IGFL2: variants seen among roughly 807,000 people sequenced by gnomAD.
IGFL2 encodes IGF like family member 2.
A neutral mutation model predicts 13.9 loss-of-function variants in IGFL2; 7 were observed. That is an observed-to-expected ratio of 0.51 (90% CI 0.29 to 0.95). The LOEUF (loss-of-function observed/expected upper bound fraction) is 0.95, where lower values mean the gene tolerates loss of function less well. IGFL2 is among the 40% of genes least tolerant of loss of function. The pLI is 0.08. For synonymous variants in IGFL2, 55 were observed against 55.8 expected (o/e 0.99, Z 0.07); for missense variants, 138 against 147.8 (o/e 0.93, Z 0.34).
the IGFL2 span, among the ~76,000 whole-genome samples, chr19:46,078,592 A>AT: frequency 1.1e-4 from 16 of 152,162 alleles, no homozygotes; most frequent in Non-Finnish European, 2.1e-4. Flanking sequence ...TTTTTTGTCC[A>AT]TTATTTTTTG....
chr19:46,211,966 G>A, the IGFL2 span: 4 of 152,126 alleles, frequency 2.6e-5, no homozygotes, highest in Non-Finnish European at 4.4e-5. Context: ...CTACCATTAC[G>A]TGGAATACAC....
At chr19:46,174,241 A>G in the IGFL2 span, among the ~76,000 whole-genome samples, 1 of 152,224 alleles carries the variant, frequency 6.6e-6, no homozygotes, top group Non-Finnish European at 1.5e-5. Context: ...GTGCAAAGTG[A>G]ACATGCAGCG....
the IGFL2 span, among the ~76,000 whole-genome samples, chr19:46,125,246 A>G: frequency 6.6e-6 from 1 of 152,242 alleles, no homozygotes. Context: ...GGGGTGGAGA[A>G]TAGCAATGGC....
the IGFL2 span, among the ~76,000 whole-genome samples, chr19:46,098,800 A>C: frequency 6.6e-6 from 1 of 152,082 alleles, no homozygotes; most frequent in South Asian, 2.1e-4. Flanking sequence ...GTGTCTTTTA[A>C]TTGGAGCATT....
At chr19:46,193,879 G>C in the IGFL2 span, among the ~76,000 whole-genome samples, 1 of 152,182 alleles carries the variant, frequency 6.6e-6, no homozygotes, top group East Asian at 1.9e-4. Flanking sequence ...TATTACCACA[G>C]TGTGTTGGCT....
the IGFL2 span, among the ~76,000 whole-genome samples, chr19:46,117,782 C>T: frequency 6.6e-6 from 1 of 152,100 alleles, no homozygotes; most frequent in African/African-American, 2.4e-5. Context: ...CCCGGACTAC[C>T]ATCTGTTCAT....
At chr19:46,120,312 C>T in the IGFL2 span, 1 of 1,610,844 alleles carries the variant, frequency 6.2e-7, no homozygotes, top group African/African-American at 1.4e-5. Context: ...TGCCGTCTGC[C>T]AGTGGAGCCT....
At chr19:46,176,225 T>C in the IGFL2 span, among the ~76,000 whole-genome samples, 6 of 150,832 alleles carry the variant, frequency 4.0e-5, no homozygotes, top group African/African-American at 1.5e-4. Context: ...AGGATCCAAT[T>C]GGATGACTAG....
chr19:46,160,980 C>A, intron 3 of IGFL2, 90 bp from the exon 4 acceptor site: 1 of 1,538,066 alleles, frequency 6.5e-7, no homozygotes, highest in Non-Finnish European at 8.9e-7. Context: ...GAGCCCTGGC[C>A]CTGTAGTCTA....
At chr19:46,103,677 A>G in the IGFL2 span, among the ~76,000 whole-genome samples, 1 of 152,210 alleles carries the variant, frequency 6.6e-6, no homozygotes, top group Non-Finnish European at 1.5e-5. Flanking sequence ...GACAGAAGAT[A>G]GTAGGGATGA....
At chr19:46,191,154 A>G in the IGFL2 span, among the ~76,000 whole-genome samples, 2 of 152,302 alleles carry the variant, frequency 1.3e-5, no homozygotes, top group East Asian at 1.9e-4. Context: ...AAGTTATTAA[A>G]TATAGAATTA....
chr19:46,087,060 A>C, the IGFL2 span, among the ~76,000 whole-genome samples: 7 of 152,310 alleles, frequency 4.6e-5, no homozygotes, highest in East Asian at 7.7e-4. Context: ...GGTGGCATAC[A>C]CTGGCATCAG....
At chr19:46,139,423 C>G (rs796431665), upstream of IGFL2, among the ~76,000 whole-genome samples, 8 of 151,746 alleles carry the variant, frequency 5.3e-5, no homozygotes, top group African/African-American at 1.9e-4. Flanking sequence ...CCTCTATGCA[C>G]ATGTAAGAAA....
At chr19:46,211,776 GA>G in the IGFL2 span, 2 of 152,148 alleles carry the variant, frequency 1.3e-5, no homozygotes, top group Non-Finnish European at 2.9e-5. Flanking sequence ...GTCTCTCTGA[GA>G]AAGGAAGACA....
intron 1 of IGFL2, among the ~76,000 whole-genome samples, chr19:46,151,339 A>G (rs1973477171): frequency 6.6e-6 from 1 of 152,196 alleles, no homozygotes; most frequent in African/African-American, 2.4e-5. Context: ...TCCCAGCACC[A>G]TTTGTTGAAA....
chr19:46,146,403 A>G (rs1409514628), upstream of IGFL2, among the ~76,000 whole-genome samples: 2 of 152,168 alleles, frequency 1.3e-5, no homozygotes, highest in Non-Finnish European at 2.9e-5. Context: ...GTCCTCTACC[A>G]TCTTTCCTCA....
At chr19:46,107,472 A>G in the IGFL2 span, among the ~76,000 whole-genome samples, 4 of 152,216 alleles carry the variant, frequency 2.6e-5, no homozygotes, top group East Asian at 7.7e-4. Context: ...GGCTGTGGGC[A>G]TTCGTTGGCC....
the IGFL2 span, among the ~76,000 whole-genome samples, chr19:46,101,832 C>A: frequency 1.0e-3 from 155 of 152,352 alleles, no homozygotes; most frequent in African/African-American, 3.5e-3. Context: ...TGAGTGAGAT[C>A]TCCTGATTCA....
the IGFL2 span, among the ~76,000 whole-genome samples, chr19:46,194,836 A>ATG: frequency 6.7e-5 from 2 of 29,662 alleles, no homozygotes; most frequent in East Asian, 1.4e-3. Flanking sequence ...CATTTTATAT[A>ATG]TATATATATA....
Sources: gnomAD v4.1 joint callset for allele counts (sites outside exome capture counted in the v4.1 genomes callset) on GRCh38, gnomAD v4.1.1 for gene constraint, MANE v1.5 for transcripts, NCBI Gene and HGNC (gene_info 2026-07-23, HGNC 2026-07-21) for gene names.